Variants in COL22A1 observed in about 807,000 individuals in gnomAD.
The protein encoded by COL22A1 is collagen type XXII alpha 1 chain.
Under a neutral mutation model 248.9 loss-of-function variants are expected in COL22A1, and 221 were observed. That is an observed-to-expected ratio of 0.89 (90% CI 0.80 to 0.99). COL22A1 has a LOEUF of 0.99. COL22A1 is among the 50% of genes least tolerant of loss of function. The pLI is 0.00. For synonymous variants in COL22A1, 891 were observed against 793.4 expected, an observed-to-expected ratio of 1.12 and a Z score of -2.07; for missense variants, 2,240 against 2,179.0, an observed-to-expected ratio of 1.03 and a Z score of -0.56.
chr8:138,843,117 G>T (rs541502550), intron 4 of COL22A1, among the ~76,000 whole-genome samples: 3 of 152,122 alleles, frequency 2.0e-5, no homozygotes, highest in African/African-American at 7.2e-5. Context: ...CTCCTGGGGG[G>T]TGCTCACTCC....
At chr8:138,830,995 C>G (rs2131812436) in intron 5 of COL22A1, among the ~76,000 whole-genome samples, 1 of 152,270 alleles carries the variant, frequency 6.6e-6, no homozygotes, top group South Asian at 2.1e-4. Flanking sequence ...GAAAATGACT[C>G]TCTCAAGAGT....
chr8:138,862,425 C>T (rs1822553428), intron 3 of COL22A1, among the ~76,000 whole-genome samples: 2 of 152,150 alleles, frequency 1.3e-5, no homozygotes, highest in African/African-American at 2.4e-5. Context: ...GAGGCTGGAG[C>T]TGAGGCCACT....
chr8:138,802,825 C>T (rs1486339938), intron 11 of COL22A1, 47 bp downstream of exon 11: 22 of 1,491,548 alleles, frequency 1.5e-5, no homozygotes, highest in African/African-American at 8.3e-5. Context: ...GGGTCCCCCA[C>T]GCCCGCCCTG....
At chr8:138,771,669 G>A (rs2131462516) in intron 16 of COL22A1, among the ~76,000 whole-genome samples, 1 of 152,362 alleles carries the variant, frequency 6.6e-6, no homozygotes, top group East Asian at 1.9e-4. Flanking sequence ...TTCTCTTGAA[G>A]CAAGTGGGAA....
rs755071476 is a variant in COL22A1 at position 138,779,525 on chromosome 8, C to T, written c.1688G>A (p.Gly563Asp). ...PGELGEPGLP[G>D]EVGMRGPQGP... ...AACACTCACCCGCATGCCGACCTCA[C>T]CCGGCAGCCCCGGCTCTCCCAGCTC... The change falls in exon 14 of 65, where the codon GGT (glycine) becomes GAT (aspartate). Residue 563 changes from glycine to aspartate, a missense_variant. Physicochemically the swap from Gly to Asp is moderately conservative, Grantham distance 94. Coordinates refer to ENST00000303045, the MANE Select transcript of COL22A1 (RefSeq NM_152888.3). The T allele has an allele frequency of 1.2e-6, 2 of 1,613,080 alleles. No homozygotes were observed. The highest frequency in any genetic ancestry group is 1.7e-6 in the Non-Finnish European group (2 of 1,179,070).
rs1278861468 is a variant in COL22A1 at position 138,646,692 on chromosome 8, G to A, written c.3448-10C>T. ...GAGGCCCAGCCTCTCCCTGTATCAG[G>A]GATACAAGAAAAAAAAAGAAAACAA... On this transcript the variant is annotated splice_polypyrimidine_tract_variant and intron_variant, in intron 46 of 64. Coordinates refer to ENST00000303045, the MANE Select transcript of COL22A1 (RefSeq NM_152888.3). 2 of 1,560,036 alleles carry A rather than the reference G, an allele frequency of 1.3e-6. No individual in the cohort carries two copies. The highest frequency in any genetic ancestry group is 8.7e-7 in the Non-Finnish European group (1 of 1,152,104).
intron 1 of COL22A1, among the ~76,000 whole-genome samples, chr8:138,888,673 A>G (rs1346702244): frequency 1.3e-5 from 2 of 152,218 alleles, no homozygotes; most frequent in African/African-American, 2.4e-5. Flanking sequence ...CAGGAAGAAA[A>G]GCACTGTCCA....
intron 30 of COL22A1, among the ~76,000 whole-genome samples, chr8:138,703,633 T>C (rs1285181462): frequency 2.0e-5 from 3 of 152,186 alleles, no homozygotes; most frequent in Non-Finnish European, 4.4e-5. Context: ...TACTATTCTA[T>C]TGTGTAAATG....
At position 138,901,777 on chromosome 8, in the gene COL22A1, G is replaced by T. The variant is rs1056143961; in HGVS notation, c.-73+11842C>A. 3.9e-5 allele frequency among the ~76,000 whole-genome samples: 6 copies of T among 151,984 alleles called. No homozygotes were observed. The South Asian group carries it at 1.2e-3, about 32-fold the overall frequency. ...CCCTCATTGCCTTTGGATAAAGTCC[G>T]AGTGCTTATTGCAGACCTTCATGGG... On this transcript the variant is annotated intron_variant, in intron 1 of 64. Transcript: ENST00000303045.
intron 18 of COL22A1, among the ~76,000 whole-genome samples, chr8:138,757,676 C>T (rs146827979): frequency 1.3e-5 from 2 of 152,340 alleles, no homozygotes; most frequent in Admixed American, 1.3e-4. Context: ...AGGGACTGGA[C>T]ATGGATTCAC....
Position 138,821,182 on chromosome 8 carries a change from C to T in COL22A1, c.1199G>A (p.Gly400Asp), listed in dbSNP as rs753626583. The change falls in exon 7 of 65, where the codon GGC (glycine) becomes GAC (aspartate). Residue 400 changes from glycine to aspartate, a missense_variant. Coordinates refer to ENST00000303045, the MANE Select transcript of COL22A1 (RefSeq NM_152888.3). ...GAGGCGCTTGCCAATCACAGTCTTG[C>T]CCTGGATGTCAATGTTCTCCCGTTC... ...IEERENIDIQGKTVIGKRLYD... is the reference protein window; with the variant it reads ...IEERENIDIQDKTVIGKRLYD... 1.5e-5 allele frequency: 25 copies of T among 1,614,176 alleles called. No individual in the cohort carries two copies. Among genetic ancestry groups the T allele is most frequent in the Non-Finnish European group, 2.1e-5 (25 of 1,180,026 alleles).
chr8:138,660,543 C>T (rs1052736094), intron 43 of COL22A1, 63 bp from the exon 44 acceptor site: 2 of 1,441,254 alleles, frequency 1.4e-6, no homozygotes, highest in African/African-American at 1.4e-5. Flanking sequence ...CCACTCTACC[C>T]ACACCCTCTG....
In COL22A1 at chr8:138,874,174, G is replaced by C. The variant is rs560504143; in HGVS notation, c.658+3576C>G. Among the ~76,000 whole-genome samples, 16 of 152,278 alleles carry C rather than the reference G, an allele frequency of 1.1e-4. No homozygotes were observed. In the East Asian group the frequency reaches 2.1e-3, roughly 20 times the overall value. On this transcript the variant is annotated intron_variant, in intron 3 of 64. Transcript: ENST00000303045. ...TTCATTTGTAGCCAGAATAGACCAGGCCCTCTTCATCTCACAGCTGTATTT... is the reference window on the plus strand; with the variant it reads ...TTCATTTGTAGCCAGAATAGACCAGCCCCTCTTCATCTCACAGCTGTATTT...
At chr8:138,808,377 A>T (rs1382205033) in intron 9 of COL22A1, among the ~76,000 whole-genome samples, 3 of 152,370 alleles carry the variant, frequency 2.0e-5, no homozygotes, top group African/African-American at 4.8e-5. Flanking sequence ...TAAATAAATT[A>T]AAAAACCCAA....
intron 57 of COL22A1, 61 bp downstream of exon 57, chr8:138,607,875 A>T: frequency 6.8e-7 from 1 of 1,469,694 alleles, no homozygotes; most frequent in Non-Finnish European, 9.5e-7. Context: ...CTGTAATGTG[A>T]TCCACAAGCC....
At chr8:138,797,423 T>C (rs185908954) in intron 11 of COL22A1, among the ~76,000 whole-genome samples, 1 of 152,328 alleles carries the variant, frequency 6.6e-6, no homozygotes, top group Non-Finnish European at 1.5e-5. Flanking sequence ...TCAGACCATG[T>C]ATAAGTACTT....
chr8:138,884,013 G>A (rs887302981), intron 1 of COL22A1, among the ~76,000 whole-genome samples: 4 of 152,096 alleles, frequency 2.6e-5, no homozygotes, highest in African/African-American at 9.7e-5. Flanking sequence ...GCTGCACTTG[G>A]TAGCCATGAA....
In COL22A1 at chr8:138,606,456, C is replaced by T; in HGVS notation, c.4033-4G>A. ...CCCCTTTGCTTCCTTTCTGGCCCTG[C>T]AAAGAGAAAACTGAGAATTAATTCC... is the stretch of plus-strand genomic sequence containing the variant. On this transcript the variant is annotated splice_polypyrimidine_tract_variant and splice_region_variant and intron_variant, in intron 57 of 64. Transcript: ENST00000303045. 1.2e-6 allele frequency: 2 copies of T among 1,613,184 alleles called. No homozygotes were observed. The highest frequency in any genetic ancestry group is 1.7e-6 in the Non-Finnish European group (2 of 1,179,702).
intron 18 of COL22A1, among the ~76,000 whole-genome samples, 176 bp from the exon 19 acceptor site, chr8:138,756,005 T>C (rs763951630): frequency 6.6e-6 from 1 of 152,160 alleles, no homozygotes; most frequent in Non-Finnish European, 1.5e-5. Flanking sequence ...AAAGTTCGGG[T>C]TCTGATCCTC....
Sources: gnomAD v4.1 joint callset for allele counts (sites outside exome capture counted in the v4.1 genomes callset) on GRCh38, gnomAD v4.1.1 for gene constraint, MANE v1.5 for transcripts, NCBI Gene and HGNC (gene_info 2026-07-23, HGNC 2026-07-21) for gene names.